Variants in TDRD3 observed in about 807,000 individuals in gnomAD.
The protein encoded by TDRD3 is tudor domain-containing protein 3.
In TDRD3, 45 loss-of-function variants were observed where a neutral mutation model predicts 86.7. The ratio of observed to expected loss-of-function variants is 0.52; its 90% CI spans 0.41 to 0.67. The LOEUF (loss-of-function observed/expected upper bound fraction) is 0.67, where lower values mean the gene tolerates loss of function less well. Ranked by LOEUF, TDRD3 falls within the 30% of genes least tolerant of loss-of-function variation. The pLI, the probability that TDRD3 is intolerant of heterozygous loss-of-function variation, is 0.00. For synonymous variants in TDRD3, 298 were observed against 301.7 expected (o/e 0.99, Z 0.13); for missense variants, 814 against 889.0 (o/e 0.92, Z 1.07).
chr13:60,397,637 G>T (rs1953963772), intron 1 of TDRD3, among the ~76,000 whole-genome samples: 1 of 145,892 alleles, frequency 6.9e-6, no homozygotes, highest in South Asian at 2.1e-4. Context: ...CGGGCGGCGG[G>T]CCTGGGCCCC....
intron 5 of TDRD3, among the ~76,000 whole-genome samples, chr13:60,483,240 C>T (rs959905261): frequency 2.0e-5 from 3 of 151,902 alleles, no homozygotes; most frequent in East Asian, 3.9e-4. Context: ...AATTGTTTTG[C>T]AAAACAAAAC....
chr13:60,421,176 C>T lies in TDRD3; in HGVS notation c.42-18512C>T, dbSNP rs954448617. Among the ~76,000 whole-genome samples, 6 of 150,212 alleles carry T rather than the reference C, an allele frequency of 4.0e-5. No individual in the cohort carries two copies. In the East Asian group the frequency reaches 5.8e-4, roughly 15 times the overall value. On this transcript the variant is annotated intron_variant, in intron 1 of 13. Transcript: ENST00000377881. The stretch of plus-strand genomic sequence containing the variant: ...TTTCATACTGCTGTGAAGAAATACC[C>T]GAGACTGGGTAATTAATAAAAAAAA...
chr13:60,418,455 C>T (rs1954577858), intron 1 of TDRD3, among the ~76,000 whole-genome samples: 3 of 152,030 alleles, frequency 2.0e-5, no homozygotes, highest in Admixed American at 2.0e-4. Context: ...TTCACTGGGA[C>T]TAAACTTATT....
At position 60,440,033 on chromosome 13, in the gene TDRD3, C is replaced by CT. The variant is rs142796239; in HGVS notation, c.126+267dup. 9.4e-3 allele frequency among the ~76,000 whole-genome samples: 1,429 copies of CT among 152,034 alleles called. 20 individuals carry two copies. Among genetic ancestry groups the CT allele is most frequent in the African/African-American group, 0.032 (1,331 of 41,460 alleles). The stretch of plus-strand genomic sequence containing the variant: ...TTTTCACCCACTGATCAGTCATAGA[C>CT]TTTTTTAACATTTACAATAGCTACG... On this transcript the variant is annotated intron_variant, in intron 2 of 13. Coordinates refer to ENST00000377881, the MANE Select transcript of TDRD3 (RefSeq NM_001146070.2).
chr13:60,565,693 G>A (rs1426655260), intron 12 of TDRD3, among the ~76,000 whole-genome samples: 1 of 152,044 alleles, frequency 6.6e-6, no homozygotes. Flanking sequence ...TCTAATTCCT[G>A]AAATAATTAC....
intron 10 of TDRD3, among the ~76,000 whole-genome samples, chr13:60,519,782 AG>A: frequency 6.6e-6 from 1 of 152,262 alleles, no homozygotes; most frequent in Non-Finnish European, 1.5e-5. Flanking sequence ...TCTGTGAAAT[AG>A]GGATGTTATA....
At chr13:60,516,594 C>A (rs1397538256) in intron 10 of TDRD3, among the ~76,000 whole-genome samples, 1 of 152,100 alleles carries the variant, frequency 6.6e-6, no homozygotes, top group Non-Finnish European at 1.5e-5. Context: ...TGTCTTTGGG[C>A]AAGATATAGA....
chr13:60,499,252 G>A (rs1956781115), intron 8 of TDRD3, among the ~76,000 whole-genome samples: 1 of 152,260 alleles, frequency 6.6e-6, no homozygotes, highest in East Asian at 1.9e-4. Context: ...GCAGAAGACA[G>A]ATGGATCTTG....
chr13:60,561,903 G>C (rs184172080), intron 12 of TDRD3, among the ~76,000 whole-genome samples: 3 of 150,372 alleles, frequency 2.0e-5, no homozygotes, highest in South Asian at 2.1e-4. Flanking sequence ...GTTTGTAGTA[G>C]AACTACAAAT....
intron 1 of TDRD3, among the ~76,000 whole-genome samples, chr13:60,431,085 C>T (rs1044706502): frequency 3.9e-5 from 6 of 151,940 alleles, no homozygotes; most frequent in African/African-American, 1.4e-4. Flanking sequence ...TGAGGTATTT[C>T]TTGAATGCTT....
chr13:60,566,263 CTTT>C (rs917757095), intron 12 of TDRD3, among the ~76,000 whole-genome samples: 7 of 143,510 alleles, frequency 4.9e-5, no homozygotes, highest in Non-Finnish European at 1.1e-4. Flanking sequence ...AATAATAGTT[CTTT>C]TTTTTTTTTT....
chr13:60,456,343 G>A (rs1955669552), intron 3 of TDRD3, among the ~76,000 whole-genome samples: 1 of 152,164 alleles, frequency 6.6e-6, no homozygotes, highest in African/African-American at 2.4e-5. Context: ...TTAGATGACA[G>A]AGGTATTCGT....
chr13:60,448,502 C>T (rs984724355), intron 3 of TDRD3, among the ~76,000 whole-genome samples: 23 of 152,060 alleles, frequency 1.5e-4, no homozygotes, highest in Admixed American at 6.6e-4. Flanking sequence ...CACAAAGTTT[C>T]CCCAGAACCT....
At position 60,483,619 on chromosome 13, in the gene TDRD3, T is replaced by C. The variant is rs531962704; in HGVS notation, c.496-156T>C. ...CTAATTATTGAAGTTAAGAATAATA[T>C]ATTTTTTTGTGGTTTGAAATACTTC... is the stretch of plus-strand genomic sequence containing the variant. On this transcript the variant is annotated intron_variant, in intron 5 of 13. Transcript: ENST00000377881. Among the ~76,000 whole-genome samples, 7 of 152,290 alleles carry C rather than the reference T, an allele frequency of 4.6e-5. No individual in the cohort carries two copies. In the South Asian group the frequency reaches 1.5e-3, roughly 32 times the overall value.
At chr13:60,467,211 T>C (rs970974157) in intron 4 of TDRD3, 27 bp from the exon 5 acceptor site, 8 of 1,611,496 alleles carry the variant, frequency 5.0e-6, no homozygotes, top group Non-Finnish European at 5.9e-6. Flanking sequence ...CTTCAATATG[T>C]TTTTAACACT....
chr13:60,410,371 T>G (rs1954333450), intron 1 of TDRD3, among the ~76,000 whole-genome samples: 1 of 152,210 alleles, frequency 6.6e-6, no homozygotes. Flanking sequence ...GGGTTTTACC[T>G]GAGGACTCTG....
chr13:60,397,802 C>T (rs1953973843), intron 1 of TDRD3, among the ~76,000 whole-genome samples: 1 of 151,734 alleles, frequency 6.6e-6, no homozygotes, highest in African/African-American at 2.4e-5. Context: ...GATCGGGAGG[C>T]GAGGGCTGGG....
chr13:60,426,839 T>C (rs1157039614), intron 1 of TDRD3, among the ~76,000 whole-genome samples: 3 of 152,230 alleles, frequency 2.0e-5, no homozygotes, highest in Admixed American at 6.5e-5. Context: ...ACTTTGTCAC[T>C]GTGGGAACGT....
rs758001452 is a variant in TDRD3 at position 60,485,944 on chromosome 13, A to G, written c.713A>G (p.Lys238Arg). ...TAAIAEVAKS[K>R]ETKTFGGGGG... ...GCTATTGCTGAAGTTGCAAAGAGCA[A>G]GGAAGTAAGAAATCAAATCATTACA... The change falls in exon 7 of 14, where the codon AAG (lysine) becomes AGG (arginine). Residue 238 changes from lysine (K) to arginine (R), a missense_variant. Transcript: ENST00000377881. 65 of 1,600,958 alleles carry G rather than the reference A, an allele frequency of 4.1e-5. 1 individual carries two copies. The South Asian group carries it at 6.8e-4, about 17-fold the overall frequency.
Sources: allele counts gnomAD v4.1 joint callset (sites outside exome capture counted in the v4.1 genomes callset), GRCh38; gene constraint gnomAD v4.1.1; transcripts MANE v1.5; gene names NCBI Gene and HGNC (gene_info 2026-07-23, HGNC 2026-07-21).